C10orf67: variants seen among roughly 807,000 people sequenced by gnomAD.
The protein encoded by C10orf67 is uncharacterized protein C10orf67, mitochondrial.
In C10orf67, 60 loss-of-function variants were observed where a neutral mutation model predicts 35.6. That is an observed-to-expected ratio of 1.68 (90% CI 1.37 to 2.09). The LOEUF (loss-of-function observed/expected upper bound fraction) is 2.09, where lower values mean the gene tolerates loss of function less well. Among genes scored for constraint, C10orf67 ranks in the 30% most tolerant of loss-of-function variants. C10orf67 has a pLI of 0.00. For missense variants in C10orf67, 474 were observed against 330.2 expected, an observed-to-expected ratio of 1.44 and a Z score of -3.38; for synonymous variants, 167 against 115.8, an observed-to-expected ratio of 1.44 and a Z score of -2.84.
chr10:23,230,002 G>A (rs1359231109), intron 13 of C10orf67, among the ~76,000 whole-genome samples: 2 of 151,676 alleles, frequency 1.3e-5, no homozygotes, highest in African/African-American at 2.4e-5. Flanking sequence ...TTGACAATCC[G>A]ATTCTAAAAT....
intron 4 of C10orf67, among the ~76,000 whole-genome samples, chr10:23,307,976 T>C (rs760490934): frequency 6.6e-6 from 1 of 152,180 alleles, no homozygotes; most frequent in Non-Finnish European, 1.5e-5. Flanking sequence ...ACATCTATTC[T>C]TACATATGTC....
At chr10:23,247,481 C>T (rs1333583911) in intron 12 of C10orf67, among the ~76,000 whole-genome samples, 1 of 152,126 alleles carries the variant, frequency 6.6e-6, no homozygotes, top group African/African-American at 2.4e-5. Flanking sequence ...TAGGCTATGC[C>T]ATCTAGGTTT....
intron 7 of C10orf67, among the ~76,000 whole-genome samples, chr10:23,284,102 G>C (rs1401032310): frequency 7.3e-6 from 1 of 136,238 alleles, no homozygotes; most frequent in African/African-American, 2.8e-5. Context: ...GTTTTTAAGT[G>C]CATCCAGGGC....
intron 15 of C10orf67, among the ~76,000 whole-genome samples, chr10:23,222,329 G>A (rs1020449898): frequency 8.5e-5 from 13 of 152,184 alleles, no homozygotes; most frequent in African/African-American, 3.1e-4. Context: ...ATCCTCAATT[G>A]AATTTTTAGG....
At chr10:23,274,918 G>C (rs1843141338) in intron 8 of C10orf67, among the ~76,000 whole-genome samples, 1 of 152,124 alleles carries the variant, frequency 6.6e-6, no homozygotes, top group African/African-American at 2.4e-5. Context: ...TATTAATTTT[G>C]GGAACTAATA....
chr10:23,328,329 G>C (rs1845280324), intron 2 of C10orf67, among the ~76,000 whole-genome samples: 1 of 152,120 alleles, frequency 6.6e-6, no homozygotes, highest in South Asian at 2.1e-4. Flanking sequence ...GTGATCATGT[G>C]ATACAGTTAC....
intron 12 of C10orf67, among the ~76,000 whole-genome samples, chr10:23,244,459 G>A (rs936498657): frequency 3.8e-4 from 57 of 151,960 alleles, no homozygotes; most frequent in Admixed American, 4.6e-4. Flanking sequence ...AAAAGCAAAA[G>A]TCAATTACTC....
chr10:23,316,074 C>T (rs1283868177), intron 4 of C10orf67, among the ~76,000 whole-genome samples: 1 of 121,880 alleles, frequency 8.2e-6, no homozygotes, highest in Non-Finnish European at 1.6e-5. Flanking sequence ...TGTGCTCATT[C>T]CACCCGCTTG....
intron 10 of C10orf67, chr10:23,258,485 G>T: frequency 6.0e-6 from 1 of 165,312 alleles, no homozygotes. Flanking sequence ...TGGTGTTCCT[G>T]CCGAATGCAT....
intron 10 of C10orf67, among the ~76,000 whole-genome samples, chr10:23,256,158 T>C (rs1842594131): frequency 6.6e-6 from 1 of 152,078 alleles, no homozygotes; most frequent in Non-Finnish European, 1.5e-5. Flanking sequence ...TGCACCACCA[T>C]GCCTGGCTAA....
chr10:23,290,872 C>CA (rs1280577409), intron 6 of C10orf67, among the ~76,000 whole-genome samples: 1 of 152,158 alleles, frequency 6.6e-6, no homozygotes, highest in African/African-American at 2.4e-5. Context: ...CATTGATTAG[C>CA]AAATTTTTGC....
chr10:23,204,419 G>A (rs1413390051), intron 15 of C10orf67, among the ~76,000 whole-genome samples, 164 bp from the exon 16 acceptor site: 1 of 152,196 alleles, frequency 6.6e-6, no homozygotes, highest in Non-Finnish European at 1.5e-5. Flanking sequence ...GAGAGACGGT[G>A]AAGGAGGTAG....
Position 23,221,465 on chromosome 10 carries a change from T to C in C10orf67, c.1570+2133A>G, listed in dbSNP as rs111624926. Among the ~76,000 whole-genome samples the C allele has an allele frequency of 3.0e-3, 459 of 152,314 alleles. 4 individuals carry two copies. Among genetic ancestry groups the C allele is most frequent in the African/African-American group, 0.011 (438 of 41,574 alleles). On this transcript the variant is annotated intron_variant, in intron 15 of 15. Transcript: ENST00000636213. ...AATTAGTGCTTGAAAGCATTAATAA[T>C]GTATTAAACTATTTCCGGGGGGTCT... is the stretch of plus-strand genomic sequence containing the variant.
intron 2 of C10orf67, among the ~76,000 whole-genome samples, chr10:23,324,986 TG>T (rs1307814446): frequency 6.6e-6 from 1 of 152,066 alleles, no homozygotes; most frequent in Non-Finnish European, 1.5e-5. Context: ...TGACAGTGTT[TG>T]GGTGGGGTCC....
chr10:23,283,235 C>A (rs1305085705), intron 7 of C10orf67, among the ~76,000 whole-genome samples: 1 of 150,424 alleles, frequency 6.6e-6, no homozygotes. Flanking sequence ...CAAACAAAAA[C>A]CCCATTCACT....
intron 15 of C10orf67, among the ~76,000 whole-genome samples, chr10:23,214,753 G>T (rs1306220027): frequency 6.6e-6 from 1 of 152,172 alleles, no homozygotes; most frequent in African/African-American, 2.4e-5. Context: ...TGGGTGCAGT[G>T]GCTCACGCCC....
chr10:23,222,996 G>T (rs1185563833), intron 15 of C10orf67, among the ~76,000 whole-genome samples: 4 of 152,120 alleles, frequency 2.6e-5, no homozygotes, highest in Non-Finnish European at 5.9e-5. Context: ...AATTTAACAG[G>T]AGCTTCAGGT....
intron 10 of C10orf67, among the ~76,000 whole-genome samples, chr10:23,258,044 A>G (rs1842650532): frequency 6.6e-6 from 1 of 152,222 alleles, no homozygotes; most frequent in Admixed American, 6.5e-5. Flanking sequence ...GATGTGCAGC[A>G]TTCAATCAGA....
chr10:23,307,500 A>C (rs1196794920), intron 4 of C10orf67, among the ~76,000 whole-genome samples: 1 of 152,202 alleles, frequency 6.6e-6, no homozygotes, highest in Non-Finnish European at 1.5e-5. Flanking sequence ...GTATGAAAAA[A>C]TGAATGTACA....
Sources: gnomAD v4.1 joint callset for allele counts (sites outside exome capture counted in the v4.1 genomes callset) on GRCh38, gnomAD v4.1.1 for gene constraint, MANE v1.5 for transcripts, NCBI Gene and HGNC (gene_info 2026-07-23, HGNC 2026-07-21) for gene names.